The following PARD3 variants were observed in gnomAD, a reference collection of about 807,000 sequenced individuals.
PARD3 encodes the protein par-3 family cell polarity regulator, also known as partitioning defective 3 homolog.
Under a neutral mutation model 155.4 loss-of-function variants are expected in PARD3, and 75 were observed. That is an observed-to-expected ratio of 0.48 (90% CI 0.40 to 0.58). PARD3 has a LOEUF of 0.58. Ranked by LOEUF, PARD3 falls within the 20% of genes least tolerant of loss-of-function variation. The pLI, the probability that PARD3 is intolerant of heterozygous loss-of-function variation, is 0.00. For synonymous variants in PARD3, 576 were observed against 610.5 expected (o/e 0.94, Z 0.83); for missense variants, 1,642 against 1,721.7 (o/e 0.95, Z 0.82).
At chr10:34,791,773 G>C (rs373661699) in intron 1 of PARD3, among the ~76,000 whole-genome samples, 2 of 151,652 alleles carry the variant, frequency 1.3e-5, no homozygotes. Flanking sequence ...CCAGGAGGTC[G>C]AGGCTACAGT....
At chr10:34,615,983 T>TGCAC (rs2091225853) in intron 2 of PARD3, among the ~76,000 whole-genome samples, 1 of 152,198 alleles carries the variant, frequency 6.6e-6, no homozygotes, top group Admixed American at 6.5e-5. Flanking sequence ...ACTCTTCTTG[T>TGCAC]GCACCCCTGG....
chr10:34,329,825 T>C (rs537365312), intron 19 of PARD3, among the ~76,000 whole-genome samples: 20 of 152,348 alleles, frequency 1.3e-4, no homozygotes, highest in Non-Finnish European at 2.5e-4. Context: ...ATGCTTCGCA[T>C]ATTACATTAT....
chr10:34,447,880 C>A (rs2076837126), intron 5 of PARD3, among the ~76,000 whole-genome samples: 1 of 151,976 alleles, frequency 6.6e-6, no homozygotes, highest in African/African-American at 2.4e-5. Context: ...TGGTATACTG[C>A]TGGTGGTAAT....
At chr10:34,528,541 T>C (rs1589890120) in intron 2 of PARD3, among the ~76,000 whole-genome samples, 1 of 152,214 alleles carries the variant, frequency 6.6e-6, no homozygotes, top group African/African-American at 2.4e-5. Context: ...TTGTTTTGTT[T>C]TGTTTTGTTT....
intron 4 of PARD3, among the ~76,000 whole-genome samples, chr10:34,459,128 C>T (rs1366995127): frequency 6.6e-6 from 1 of 152,112 alleles, no homozygotes; most frequent in African/African-American, 2.4e-5. Flanking sequence ...TTAGAAAGTG[C>T]TTAACTTTGA....
At chr10:34,313,191 T>C (rs868596814) in intron 20 of PARD3, among the ~76,000 whole-genome samples, 13 of 152,310 alleles carry the variant, frequency 8.5e-5, no homozygotes, top group Admixed American at 2.0e-4. Context: ...TGTCTGAGAA[T>C]CAAACATACA....
intron 1 of PARD3, among the ~76,000 whole-genome samples, chr10:34,767,772 TG>T (rs781109511): frequency 3.3e-5 from 5 of 151,864 alleles, no homozygotes; most frequent in Non-Finnish European, 7.4e-5. Flanking sequence ...CTAATATTTT[TG>T]TATTTTTAGT....
At chr10:34,594,903 G>A (rs1449870102) in intron 2 of PARD3, among the ~76,000 whole-genome samples, 1 of 152,168 alleles carries the variant, frequency 6.6e-6, no homozygotes, top group East Asian at 1.9e-4. Context: ...CATCTCCAGT[G>A]TGGTACATCT....
intron 2 of PARD3, among the ~76,000 whole-genome samples, chr10:34,578,180 A>T (rs2087064254): frequency 6.6e-6 from 1 of 151,924 alleles, no homozygotes; most frequent in Admixed American, 6.6e-5. Flanking sequence ...TAAAAATGTG[A>T]TACCTCCTTA....
chr10:34,337,072 T>C (rs1480128606), intron 17 of PARD3, among the ~76,000 whole-genome samples: 1 of 152,172 alleles, frequency 6.6e-6, no homozygotes, highest in South Asian at 2.1e-4. Flanking sequence ...TATATTAACA[T>C]ATTGCATATT....
At chr10:34,182,093 C>T (rs1254708369) in intron 22 of PARD3, among the ~76,000 whole-genome samples, 1 of 152,166 alleles carries the variant, frequency 6.6e-6, no homozygotes, top group African/African-American at 2.4e-5. Context: ...AACACTACCG[C>T]ACAGCAAAAC....
intron 5 of PARD3, among the ~76,000 whole-genome samples, chr10:34,425,250 A>C (rs1458325094): frequency 6.6e-6 from 1 of 152,112 alleles, no homozygotes; most frequent in East Asian, 1.9e-4. Context: ...TTCATTTGGA[A>C]GCAATGTGAC....
rs147308053 is a variant in PARD3, at chr10:34,284,382, T to C, written c.3066-137A>G. On this transcript the variant is annotated intron_variant, in intron 20 of 24. Transcript: ENST00000374788. Reference sequence around the variant, plus strand: ...ATCAGGTGTCTTCTGCAGTCAGTAGTTTGGGTCAGGACTAGTATTTTGAAT... The same window carrying C: ...ATCAGGTGTCTTCTGCAGTCAGTAGCTTGGGTCAGGACTAGTATTTTGAAT... 4.4e-3 allele frequency: 2,418 copies of C among 549,790 alleles called. 29 individuals are homozygous for C. Among genetic ancestry groups the C allele is most frequent in the South Asian group, 0.02 (742 of 36,772 alleles). 34.1% of individuals were successfully genotyped at this position (549,790 alleles called of 1,614,324 possible).
rs1313049966 is a variant in PARD3 at position 34,681,530 on chromosome 10, A to G, written c.222+14788T>C. ...CTTTAAAAGTATGTGGAATGCAGCTACACTAAGAAAAAAAGGATACAAAAC... is the reference window on the plus strand; with the variant it reads ...CTTTAAAAGTATGTGGAATGCAGCTGCACTAAGAAAAAAAGGATACAAAAC... On this transcript the variant is annotated intron_variant, in intron 2 of 24. Transcript: ENST00000374788. Among the ~76,000 whole-genome samples, 3 of 151,350 alleles carry G rather than the reference A, an allele frequency of 2.0e-5. No homozygotes were observed. In the Admixed American group the frequency reaches 2.0e-4, roughly 10 times the overall value.
chr10:34,249,002 A>G (rs923761262), intron 22 of PARD3, among the ~76,000 whole-genome samples: 1 of 152,192 alleles, frequency 6.6e-6, no homozygotes, highest in Non-Finnish European at 1.5e-5. Flanking sequence ...CCATCAGTAG[A>G]TATTTATATT....
intron 24 of PARD3, among the ~76,000 whole-genome samples, chr10:34,118,024 C>T (rs1946778313): frequency 6.6e-6 from 1 of 152,108 alleles, no homozygotes; most frequent in Non-Finnish European, 1.5e-5. Context: ...GCTGTGTGAG[C>T]TGGGGGAAAT....
chr10:34,110,887 G>C lies in PARD3; in HGVS notation c.*282C>G, dbSNP rs1946353157. On this transcript the variant is annotated 3_prime_UTR_variant, in exon 25 of 25. Coordinates refer to ENST00000374788, the MANE Select transcript of PARD3 (RefSeq NM_001184785.2). ...CCAAGCCGCGGACAACTCATGAGTA[G>C]GGCCGAGATTCCTGGTACTGTGGAG... 3.6e-6 allele frequency: 1 copy of C among 274,378 alleles called. No homozygotes were observed. Among genetic ancestry groups the C allele is most frequent in the East Asian group, 6.2e-5 (1 of 16,132 alleles). The allele number at this position is 274,378 out of a possible 1,614,324, so 17.0% of individuals were successfully genotyped here.
At chr10:34,229,726 T>C (rs1952818584) in intron 22 of PARD3, among the ~76,000 whole-genome samples, 1 of 152,046 alleles carries the variant, frequency 6.6e-6, no homozygotes, top group African/African-American at 2.4e-5. Flanking sequence ...AACTCTGTTC[T>C]GCCTCATATT....
chr10:34,635,642 T>C (rs1022438935), intron 2 of PARD3, among the ~76,000 whole-genome samples: 1 of 152,206 alleles, frequency 6.6e-6, no homozygotes, highest in Admixed American at 6.5e-5. Flanking sequence ...GGTCAACTGG[T>C]ATGTAGAAAA....
Sources: gnomAD v4.1 joint callset for allele counts (sites outside exome capture counted in the v4.1 genomes callset) on GRCh38, gnomAD v4.1.1 for gene constraint, MANE v1.5 for transcripts, NCBI Gene and HGNC (gene_info 2026-07-23, HGNC 2026-07-21) for gene names.